The following CEP85L variants were observed in gnomAD, a reference collection of about 807,000 sequenced individuals.
The protein encoded by CEP85L is centrosomal protein 85L.
A neutral mutation model predicts 100.3 loss-of-function variants in CEP85L; 60 were observed. The observed-to-expected ratio is 0.60, with a 90% CI of 0.49 to 0.74. CEP85L has a LOEUF of 0.74. Among genes scored for constraint, CEP85L ranks in the 30% least tolerant of loss-of-function variants. CEP85L has a pLI of 0.00. For missense variants in CEP85L, 973 were observed against 936.2 expected, an observed-to-expected ratio of 1.04 and a Z score of -0.51; for synonymous variants, 319 against 322.7, an observed-to-expected ratio of 0.99 and a Z score of 0.12.
At chr6:118,633,874 G>T (rs190869263) in intron 1 of CEP85L, among the ~76,000 whole-genome samples, 4 of 152,202 alleles carry the variant, frequency 2.6e-5, no homozygotes, top group Non-Finnish European at 5.9e-5. Context: ...TAAAAGTTAA[G>T]AAGTTCCCCT....
rs536802475 is a variant in CEP85L, at chr6:118,582,593, G to A, written c.233-16277C>T. ...TTGGAACCCCAATAACGCAGGAAAT[G>A]AATGGAAAAGGAAGCACTTCTTAAG... On this transcript the variant is annotated intron_variant, in intron 2 of 12. Transcript: ENST00000368491. Among the ~76,000 whole-genome samples the A allele has an allele frequency of 4.7e-4, 71 of 152,332 alleles. No individual in the cohort carries two copies. In the South Asian group the frequency reaches 7.7e-3, roughly 16 times the overall value.
At chr6:118,537,136 T>C (rs542221383) in intron 3 of CEP85L, among the ~76,000 whole-genome samples, 31 of 152,184 alleles carry the variant, frequency 2.0e-4, no homozygotes, top group Non-Finnish European at 3.8e-4. Context: ...AAGTAATCTA[T>C]CATGTTTCTA....
At chr6:118,507,929 T>C (rs775419718) in intron 5 of CEP85L, among the ~76,000 whole-genome samples, 1 of 152,210 alleles carries the variant, frequency 6.6e-6, no homozygotes, top group Non-Finnish European at 1.5e-5. Context: ...GTGTTCTCCA[T>C]TAGACTACAC....
intron 2 of CEP85L, among the ~76,000 whole-genome samples, chr6:118,588,663 C>T (rs1177656994): frequency 6.6e-6 from 1 of 152,192 alleles, no homozygotes; most frequent in Admixed American, 6.5e-5. Flanking sequence ...ATTAAGCTCC[C>T]TCTTGCTTAC....
intron 1 of CEP85L, among the ~76,000 whole-genome samples, chr6:118,686,394 C>A (rs1310281905): frequency 2.0e-5 from 3 of 152,144 alleles, no homozygotes; most frequent in Admixed American, 2.0e-4. Flanking sequence ...CACTCCCAGT[C>A]CCAGGCAATC....
At chr6:118,632,904 A>G (rs1203514102) in intron 1 of CEP85L, among the ~76,000 whole-genome samples, 2 of 152,214 alleles carry the variant, frequency 1.3e-5, no homozygotes, top group Admixed American at 1.3e-4. Flanking sequence ...CTATCCACTT[A>G]TCTTCAAATG....
chr6:118,647,872 T>C (rs1415071008), intron 1 of CEP85L, among the ~76,000 whole-genome samples: 1 of 152,196 alleles, frequency 6.6e-6, no homozygotes, highest in African/African-American at 2.4e-5. Context: ...AAGATACCAA[T>C]TGTTCTATTT....
Position 118,651,297 on chromosome 6 carries a change from G to T in CEP85L, c.-28C>A. On this transcript the variant is annotated 5_prime_UTR_variant, in exon 1 of 13. Coordinates refer to ENST00000368491, the MANE Select transcript of CEP85L (RefSeq NM_001042475.3). ...CGGGCGAGAGGGCCGGGTGGGCCAG[G>T]GACGCCCGACTCCTCACGTCCGTCC... 1 of 1,465,700 alleles carries T rather than the reference G, an allele frequency of 6.8e-7. No homozygotes were observed. Among genetic ancestry groups the T allele is most frequent in the Non-Finnish European group, 9.0e-7 (1 of 1,111,704 alleles). The allele number at this position is 1,465,700 out of a possible 1,614,324, so 90.8% of individuals were successfully genotyped here. A position where few individuals can be genotyped will look rare whatever the true frequency, so the allele number is the denominator to read the frequency against.
intron 3 of CEP85L, among the ~76,000 whole-genome samples, chr6:118,554,826 G>A (rs1478683078): frequency 2.0e-5 from 3 of 152,166 alleles, no homozygotes; most frequent in South Asian, 2.1e-4. Context: ...TCCAGGCAGA[G>A]ATAGAACAAC....
chr6:118,640,090 C>T (rs1451360630), intron 1 of CEP85L, among the ~76,000 whole-genome samples: 2 of 151,662 alleles, frequency 1.3e-5, no homozygotes, highest in East Asian at 1.9e-4. Flanking sequence ...TAAAAAGACA[C>T]AAAACTCACA....
At chr6:118,541,290 C>T (rs1777891299) in intron 3 of CEP85L, among the ~76,000 whole-genome samples, 1 of 152,174 alleles carries the variant, frequency 6.6e-6, no homozygotes. Context: ...TGCCCTTTTG[C>T]TATGCTATGC....
intron 5 of CEP85L, among the ~76,000 whole-genome samples, chr6:118,492,797 C>T (rs761620498): frequency 6.6e-6 from 1 of 152,080 alleles, no homozygotes; most frequent in African/African-American, 2.4e-5. Flanking sequence ...CAAAAAAAGA[C>T]AATGAAACTA....
chr6:118,554,624 T>C (rs1219523446), intron 3 of CEP85L, among the ~76,000 whole-genome samples: 1 of 152,190 alleles, frequency 6.6e-6, no homozygotes, highest in East Asian at 1.9e-4. Flanking sequence ...AACATGTAAA[T>C]TGAAATTGTG....
At chr6:118,646,300 C>A (rs1227423100) in intron 1 of CEP85L, among the ~76,000 whole-genome samples, 1 of 98,626 alleles carries the variant, frequency 1.0e-5, no homozygotes, top group Admixed American at 1.1e-4. Flanking sequence ...ATAAATTGCT[C>A]TTCTTAGAAT....
intron 2 of CEP85L, among the ~76,000 whole-genome samples, chr6:118,602,555 A>T (rs1446315255): frequency 2.0e-5 from 3 of 152,232 alleles, no homozygotes; most frequent in Non-Finnish European, 4.4e-5. Flanking sequence ...ATTAGTTCAC[A>T]GGGTTAGCCT....
At chr6:118,617,165 T>C (rs1364840298) in intron 2 of CEP85L, among the ~76,000 whole-genome samples, 1 of 152,164 alleles carries the variant, frequency 6.6e-6, no homozygotes, top group Non-Finnish European at 1.5e-5. Context: ...TAAAACTCAC[T>C]CATTTCCTGC....
At chr6:118,646,443 C>CG (rs993790390) in intron 1 of CEP85L, among the ~76,000 whole-genome samples, 2 of 151,766 alleles carry the variant, frequency 1.3e-5, no homozygotes, top group Non-Finnish European at 2.9e-5. Flanking sequence ...CCAAGGCAGG[C>CG]GGATCACTTG....
At chr6:118,677,650 G>T (rs1191206386) in intron 1 of CEP85L, among the ~76,000 whole-genome samples, 2 of 152,092 alleles carry the variant, frequency 1.3e-5, no homozygotes, top group African/African-American at 4.8e-5. Context: ...AACTCAACAG[G>T]TACAAAAGTG....
At chr6:118,630,902 T>C (rs75352902) in intron 2 of CEP85L, among the ~76,000 whole-genome samples, 4,014 of 152,272 alleles carry the variant, frequency 0.026, 82 homozygotes, top group Middle Eastern at 0.088. Flanking sequence ...GGGATATAGG[T>C]TGTGCGCTCC....
Sources: gnomAD v4.1 joint callset for allele counts (sites outside exome capture counted in the v4.1 genomes callset) on GRCh38, gnomAD v4.1.1 for gene constraint, MANE v1.5 for transcripts, NCBI Gene and HGNC (gene_info 2026-07-23, HGNC 2026-07-21) for gene names.